CSGALNACT1: variants seen among roughly 807,000 people sequenced by gnomAD.
CSGALNACT1 encodes the protein chondroitin sulfate N-acetylgalactosaminyltransferase 1, also known as beta4GalNAcT-1.
In CSGALNACT1, 52 loss-of-function variants were observed where a neutral mutation model predicts 51.0. The observed-to-expected ratio is 1.02, with a 90% CI of 0.82 to 1.29. The LOEUF (loss-of-function observed/expected upper bound fraction) is 1.29. Ranked by LOEUF, CSGALNACT1 falls within the 50% of genes most tolerant of loss-of-function variation. The probability of loss-of-function intolerance (pLI) is 0.00; values close to 1 mark genes in which losing one functional copy is unlikely to be tolerated. For missense variants in CSGALNACT1, 935 were observed against 679.2 expected (o/e 1.38, Z -4.19); for synonymous variants, 341 against 254.4 (o/e 1.34, Z -3.24).
intron 1 of CSGALNACT1, among the ~76,000 whole-genome samples, chr8:19,612,297 C>T (rs188314003): frequency 2.0e-5 from 3 of 151,674 alleles, no homozygotes; most frequent in East Asian, 2.0e-4. Context: ...GAGCCAAGAT[C>T]GCACCACTGC....
chr8:19,680,579 C>CCCCCCA (rs71205942), intron 1 of CSGALNACT1, among the ~76,000 whole-genome samples: 1 of 104,690 alleles, frequency 9.6e-6, no homozygotes. Context: ...CCCCCCCCCC[C>CCCCCCA]ACAAAAAAAG....
At chr8:19,512,583 C>A (rs1202061670) in intron 3 of CSGALNACT1, among the ~76,000 whole-genome samples, 1 of 152,100 alleles carries the variant, frequency 6.6e-6, no homozygotes, top group East Asian at 1.9e-4. Flanking sequence ...ATATGTCTTA[C>A]CTCCTATGAT....
At chr8:19,404,733 A>T in exon 10 of CSGALNACT1, 1 of 454,530 alleles carries the variant, frequency 2.2e-6, no homozygotes, top group African/African-American at 2.0e-5. Context: ...AACAGGTAAG[A>T]AAGCGGTCCC....
At chr8:19,595,550 TGTGCCCA>T (rs2048703060) in intron 2 of CSGALNACT1, among the ~76,000 whole-genome samples, 1 of 152,140 alleles carries the variant, frequency 6.6e-6, no homozygotes, top group African/African-American at 2.4e-5. Flanking sequence ...GGATTAGATA[TGTGCCCA>T]GTGGAAGAGA....
At chr8:19,644,687 G>C (rs2057088708) in intron 1 of CSGALNACT1, among the ~76,000 whole-genome samples, 1 of 122,108 alleles carries the variant, frequency 8.2e-6, no homozygotes, top group African/African-American at 3.1e-5. Flanking sequence ...TCCAGCCTGG[G>C]TAACAGAGCG....
chr8:19,709,294 A>G (rs952995076), intron 1 of CSGALNACT1, among the ~76,000 whole-genome samples: 1 of 152,210 alleles, frequency 6.6e-6, no homozygotes, highest in Non-Finnish European at 1.5e-5. Context: ...ATTCTCATTT[A>G]ACAAATACGT....
intron 3 of CSGALNACT1, among the ~76,000 whole-genome samples, chr8:19,558,658 G>A (rs2040017546): frequency 6.6e-6 from 1 of 152,014 alleles, no homozygotes; most frequent in African/African-American, 2.4e-5. Context: ...ACTATTCTTA[G>A]AAAATGCACT....
At chr8:19,505,594 G>T (rs530993697) in exon 4 of CSGALNACT1, 1 of 1,614,092 alleles carries the variant, frequency 6.2e-7, no homozygotes, top group Admixed American at 1.7e-5. Context: ...TCCTTGAGCT[G>T]TGCGATCTGC....
intron 1 of CSGALNACT1, among the ~76,000 whole-genome samples, chr8:19,719,573 G>C (rs537271025): frequency 1.3e-5 from 2 of 152,336 alleles, no homozygotes; most frequent in Admixed American, 6.5e-5. Context: ...GTCCAAAATA[G>C]TTGTGTGATG....
At chr8:19,519,137 A>C (rs187678727) in intron 3 of CSGALNACT1, among the ~76,000 whole-genome samples, 11 of 152,256 alleles carry the variant, frequency 7.2e-5, no homozygotes, top group African/African-American at 2.4e-4. Context: ...GATACAGGTA[A>C]AAGTGTTCAC....
intron 3 of CSGALNACT1, among the ~76,000 whole-genome samples, chr8:19,580,308 A>G (rs2045283110): frequency 6.6e-6 from 1 of 152,208 alleles, no homozygotes; most frequent in African/African-American, 2.4e-5. Flanking sequence ...GGAGAAAATA[A>G]ACAGAAAGCT....
intron 1 of CSGALNACT1, among the ~76,000 whole-genome samples, chr8:19,674,478 T>C (rs958178309): frequency 2.0e-5 from 3 of 151,906 alleles, no homozygotes; most frequent in African/African-American, 7.3e-5. Context: ...CAATGTCAGA[T>C]TCAAAGGTGA....
intron 6 of CSGALNACT1, among the ~76,000 whole-genome samples, chr8:19,423,416 G>C (rs2058264155): frequency 6.6e-6 from 1 of 152,184 alleles, no homozygotes; most frequent in South Asian, 2.1e-4. Context: ...CAAATTTAGA[G>C]GGAAGAGTGG....
chr8:19,670,903 G>T (rs1156884396), intron 1 of CSGALNACT1, among the ~76,000 whole-genome samples: 3 of 152,146 alleles, frequency 2.0e-5, no homozygotes, highest in African/African-American at 7.2e-5. Context: ...TGCACTGTGT[G>T]CTTGGCCTAC....
At chr8:19,553,902 A>AACACACACACACACACAC (rs34664028) in intron 3 of CSGALNACT1, among the ~76,000 whole-genome samples, 9 of 147,562 alleles carry the variant, frequency 6.1e-5, no homozygotes, top group South Asian at 2.1e-4. Context: ...GAACTCGTAG[A>AACACACACACACACACAC]ACACACACAC....
chr8:19,737,430 T>C (rs1354756910), intron 1 of CSGALNACT1, among the ~76,000 whole-genome samples: 1 of 152,146 alleles, frequency 6.6e-6, no homozygotes, highest in East Asian at 1.9e-4. Flanking sequence ...CAGGTGGGGA[T>C]CACAGTTTTC....
chr8:19,569,680 A>T (rs900040761), intron 3 of CSGALNACT1, among the ~76,000 whole-genome samples: 3 of 152,308 alleles, frequency 2.0e-5, no homozygotes, highest in Non-Finnish European at 2.9e-5. Context: ...TCTGTTTATC[A>T]GTGTGTTCTA....
chr8:19,420,652 G>A (rs1365128847), intron 6 of CSGALNACT1, 134 bp from the exon 6 acceptor site: 2 of 908,932 alleles, frequency 2.2e-6, no homozygotes, highest in Non-Finnish European at 3.6e-6. Flanking sequence ...GACTCCCCAA[G>A]AAGTTACAGA....
intron 6 of CSGALNACT1, among the ~76,000 whole-genome samples, chr8:19,425,221 G>A (rs7004435): frequency 0.49 from 75,055 of 151,926 alleles, 19,349 homozygotes; most frequent in East Asian, 0.82. Context: ...GGCGCCTGTA[G>A]TCCTCACTAC....
Sources: gnomAD v4.1 joint callset for allele counts (sites outside exome capture counted in the v4.1 genomes callset) on GRCh38, gnomAD v4.1.1 for gene constraint, MANE v1.5 for transcripts, NCBI Gene and HGNC (gene_info 2026-07-23, HGNC 2026-07-21) for gene names.